The following ADAM9 variants were observed in gnomAD, a reference collection of about 807,000 sequenced individuals.
The protein encoded by ADAM9 is ADAM metallopeptidase domain 9, also known as disintegrin and metalloproteinase domain-containing protein 9.
A neutral mutation model predicts 108.1 loss-of-function variants in ADAM9; 54 were observed. That is an observed-to-expected ratio of 0.50 (90% CI 0.40 to 0.63). The LOEUF (loss-of-function observed/expected upper bound fraction) is 0.63. ADAM9 is among the 20% of genes least tolerant of loss of function. The pLI is 0.00. For synonymous variants in ADAM9, 316 were observed against 336.0 expected (o/e 0.94, Z 0.65); for missense variants, 830 against 997.7 (o/e 0.83, Z 2.26).
In ADAM9 at chr8:39,071,233, C is replaced by G. The variant is rs1838677397; in HGVS notation, c.1592-65C>G. On this transcript the variant is annotated intron_variant, in intron 14 of 21. Transcript: ENST00000487273. Reference sequence around the variant, plus strand: ...GGTGTTTAGACTGTTGTAGGGAATACTTTTATTTCAAAAGCTAAATTGCCA... The same window carrying G: ...GGTGTTTAGACTGTTGTAGGGAATAGTTTTATTTCAAAAGCTAAATTGCCA... 21 of 1,500,226 alleles carry G rather than the reference C, an allele frequency of 1.4e-5. No homozygotes were observed. The South Asian group carries it at 2.4e-4, about 17-fold the overall frequency. The allele number at this position is 1,500,226 out of a possible 1,614,324, so 92.9% of individuals were successfully genotyped here. A position where few individuals can be genotyped will look rare whatever the true frequency, so the allele number is the denominator to read the frequency against.
chr8:39,089,776 A>G (rs527326210), intron 18 of ADAM9: 21 of 425,852 alleles, frequency 4.9e-5, no homozygotes, highest in East Asian at 1.0e-4. Flanking sequence ...TGTGTAAGAA[A>G]GTGTTGACAG....
At chr8:39,095,319 T>C (rs1839468560) in intron 20 of ADAM9, among the ~76,000 whole-genome samples, 2 of 152,200 alleles carry the variant, frequency 1.3e-5, no homozygotes, top group African/African-American at 4.8e-5. Context: ...CATATAGATG[T>C]ACCTGTGCAG....
chr8:39,050,355 C>T (rs1436203408), intron 12 of ADAM9, among the ~76,000 whole-genome samples: 1 of 151,922 alleles, frequency 6.6e-6, no homozygotes, highest in Non-Finnish European at 1.5e-5. Context: ...CTTTTTGGTA[C>T]TTTTTCTTAG....
Position 39,013,973 on chromosome 8 carries a change from T to C in ADAM9, c.263T>C (p.Leu88Ser). The part of the protein sequence containing the change: ...IIHLERNKDL[L>S]PEDFVVYTYN... ...TTTTATTTCTCTTCCAGAGACCTTTTGCCTGAAGATTTTGTGGTTTATACT... is the reference window on the plus strand; with the variant it reads ...TTTTATTTCTCTTCCAGAGACCTTTCGCCTGAAGATTTTGTGGTTTATACT... The change falls in exon 4 of 22, where the codon TTG becomes TCG. Residue 88 changes from leucine to serine, a missense_variant. Physicochemically the swap from Leu to Ser is moderately radical, Grantham distance 145. Coordinates refer to ENST00000487273, the MANE Select transcript of ADAM9 (RefSeq NM_003816.3). The C allele has an allele frequency of 6.2e-7, 1 of 1,613,262 alleles. No homozygotes were observed. Among genetic ancestry groups the C allele is most frequent in the Non-Finnish European group, 8.5e-7 (1 of 1,179,346 alleles).
chr8:39,033,239 G>C (rs989835441), intron 11 of ADAM9, among the ~76,000 whole-genome samples: 1 of 152,142 alleles, frequency 6.6e-6, no homozygotes, highest in African/African-American at 2.4e-5. Flanking sequence ...TGGCATATAG[G>C]AAAGTAATTG....
At position 39,025,149 on chromosome 8, in the gene ADAM9, G is replaced by A. The variant is rs535558619; in HGVS notation, c.915-654G>A. 1.1e-4 allele frequency among the ~76,000 whole-genome samples: 17 copies of A among 152,176 alleles called. No homozygotes were observed. In the South Asian group the frequency reaches 3.1e-3, roughly 28 times the overall value. On this transcript the variant is annotated intron_variant, in intron 9 of 21. Coordinates refer to ENST00000487273, the MANE Select transcript of ADAM9 (RefSeq NM_003816.3). ...TCTATCACCCAGGCTGGAGTGCAGC[G>A]GTGCAGTCTTGGCTCACTGTGGCCT...
intron 20 of ADAM9, among the ~76,000 whole-genome samples, chr8:39,099,875 G>GTTTTTTTTTTTTTTTTTTTTTTTT (rs111740274): frequency 1.1e-5 from 1 of 89,546 alleles, no homozygotes; most frequent in Non-Finnish European, 2.2e-5. Flanking sequence ...TATCGTGTTT[G>GTTTTTTTTTTTTTTTTTTTTTTTT]TTTTTTTTTT....
chr8:39,059,501 G>A (rs1838229770), intron 14 of ADAM9, among the ~76,000 whole-genome samples: 1 of 152,218 alleles, frequency 6.6e-6, no homozygotes, highest in Non-Finnish European at 1.5e-5. Context: ...CTGTGAGTAC[G>A]TGGTTCCTGA....
At chr8:39,025,102 T>A (rs79715077) in intron 9 of ADAM9, among the ~76,000 whole-genome samples, 1 of 151,804 alleles carries the variant, frequency 6.6e-6, no homozygotes, top group African/African-American at 2.4e-5. Flanking sequence ...CTTTTTTTTT[T>A]ATTTTGGAGA....
chr8:39,078,362 CAAAAAA>C (rs56899480), intron 16 of ADAM9, among the ~76,000 whole-genome samples: 2 of 132,184 alleles, frequency 1.5e-5, no homozygotes, highest in African/African-American at 5.4e-5. Flanking sequence ...GACTCTGTCT[CAAAAAA>C]AAAAAAAAAA....
intron 10 of ADAM9, 93 bp from the exon 11 acceptor site, chr8:39,026,584 T>C (rs1162330021): frequency 6.7e-7 from 1 of 1,500,386 alleles, no homozygotes; most frequent in East Asian, 2.3e-5. Flanking sequence ...AACAGTGTAG[T>C]GAATAAATTT....
intron 2 of ADAM9, among the ~76,000 whole-genome samples, chr8:39,009,144 T>C (rs1836263256): frequency 6.6e-6 from 1 of 152,214 alleles, no homozygotes; most frequent in Non-Finnish European, 1.5e-5. Context: ...GTCACTCAAC[T>C]CCATTTACAT....
intron 20 of ADAM9, 39 bp from the exon 21 acceptor site, chr8:39,101,824 C>A: frequency 6.9e-7 from 1 of 1,453,454 alleles, no homozygotes; most frequent in Non-Finnish European, 9.6e-7. Context: ...TATTTATGAG[C>A]ACATAGTGGT....
chr8:39,021,819 C>T (rs112712064), intron 8 of ADAM9, 105 bp downstream of exon 8: 6 of 980,526 alleles, frequency 6.1e-6, no homozygotes, highest in African/African-American at 1.6e-5. Context: ...CATAGGGCCT[C>T]AATGACTTAG....
intron 1 of ADAM9, among the ~76,000 whole-genome samples, chr8:39,004,389 T>A (rs1289633837): frequency 6.6e-6 from 1 of 152,036 alleles, no homozygotes; most frequent in East Asian, 1.9e-4. Context: ...AATTTTTAAA[T>A]TTTTTTGAAG....
chr8:39,103,479 T>G (rs1186842674), intron 21 of ADAM9, 128 bp from the exon 22 acceptor site: 1 of 914,608 alleles, frequency 1.1e-6, no homozygotes, highest in Non-Finnish European at 1.8e-6. Context: ...AATACTGATC[T>G]CAGAATGTAC....
intron 14 of ADAM9, among the ~76,000 whole-genome samples, chr8:39,071,097 G>A (rs1838670632): frequency 6.6e-6 from 1 of 152,066 alleles, no homozygotes. Flanking sequence ...TACAACTTAA[G>A]ATTTATTTTT....
chr8:39,070,096 T>G (rs1403038014), intron 14 of ADAM9, among the ~76,000 whole-genome samples: 1 of 140,346 alleles, frequency 7.1e-6, no homozygotes, highest in Non-Finnish European at 1.5e-5. Context: ...AAGGCTGCAG[T>G]GAGCTATGAC....
chr8:39,031,686 C>A (rs112163056), intron 11 of ADAM9, among the ~76,000 whole-genome samples: 3 of 152,180 alleles, frequency 2.0e-5, no homozygotes, highest in Non-Finnish European at 4.4e-5. Flanking sequence ...CAGCTTTGTT[C>A]CGTTGCTGGC....
Sources: gnomAD v4.1 joint callset for allele counts (sites outside exome capture counted in the v4.1 genomes callset) on GRCh38, gnomAD v4.1.1 for gene constraint, MANE v1.5 for transcripts, NCBI Gene and HGNC (gene_info 2026-07-23, HGNC 2026-07-21) for gene names.